Variants in SOS1 observed in about 807,000 individuals in gnomAD.
SOS1 encodes the protein SOS Ras/Rac guanine nucleotide exchange factor 1.
A neutral mutation model predicts 157.6 loss-of-function variants in SOS1; 25 were observed. The observed-to-expected ratio is 0.16, with a 90% CI of 0.12 to 0.22. SOS1 has a LOEUF of 0.22. Among genes scored for constraint, SOS1 ranks in the 10% least tolerant of loss-of-function variants. SOS1 has a pLI of 1.00. For synonymous variants in SOS1, 528 were observed against 534.0 expected (o/e 0.99, Z 0.16); for missense variants, 1,237 against 1,599.1 (o/e 0.77, Z 3.86).
intron 10 of SOS1, among the ~76,000 whole-genome samples, chr2:39,021,424 A>G (rs1387216720): frequency 6.6e-6 from 1 of 151,544 alleles, no homozygotes; most frequent in African/African-American, 2.4e-5. Context: ...GTCTTACAGA[A>G]ACAATTAAAA....
At chr2:39,058,145 G>A (rs905401229) in intron 3 of SOS1, among the ~76,000 whole-genome samples, 2 of 152,016 alleles carry the variant, frequency 1.3e-5, no homozygotes, top group Non-Finnish European at 2.9e-5. Flanking sequence ...AACTAAAATA[G>A]AAATAGCATT....
chr2:39,056,184 C>G (rs1359054343), intron 4 of SOS1, among the ~76,000 whole-genome samples: 1 of 152,090 alleles, frequency 6.6e-6, no homozygotes, highest in Non-Finnish European at 1.5e-5. Flanking sequence ...AATTCCAGCA[C>G]TTTGGGAGGC....
intron 8 of SOS1, among the ~76,000 whole-genome samples, chr2:39,033,012 A>G (rs1670218800): frequency 6.6e-6 from 1 of 152,022 alleles, no homozygotes; most frequent in Non-Finnish European, 1.5e-5. Context: ...ATGAACCGGG[A>G]TACCCATGGA....
chr2:39,115,708 G>C (rs1020843791), intron 1 of SOS1, among the ~76,000 whole-genome samples: 1 of 152,120 alleles, frequency 6.6e-6, no homozygotes, highest in African/African-American at 2.4e-5. Context: ...AAAGTGCTGG[G>C]ATTACAGGTG....
At chr2:39,094,179 T>C (rs969649116) in intron 1 of SOS1, among the ~76,000 whole-genome samples, 12 of 152,136 alleles carry the variant, frequency 7.9e-5, no homozygotes, top group African/African-American at 2.9e-4. Context: ...TCTTTTTCTT[T>C]TTTCTTTCTT....
rs1572821224 is a variant in SOS1 at position 39,012,171 on chromosome 2, A to C, written c.2345T>G (p.Ile782Arg). 1.2e-6 allele frequency: 2 copies of C among 1,613,606 alleles called. No homozygotes were observed. The highest frequency in any genetic ancestry group is 1.7e-6 in the Non-Finnish European group (2 of 1,179,734). ...ETFDLLTLHP[I>R]EIARQLTLLE... ...TAAAGTGAGTTGTCGAGCAATTTCT[A>C]TTGGGTGTAAGGTGAGCAGGTCAAA... The change falls in exon 14 of 23, where the codon ATA becomes AGA. Residue 782 changes from isoleucine (I) to arginine (R), a missense_variant. Coordinates refer to ENST00000402219, the MANE Select transcript of SOS1 (RefSeq NM_005633.4).
chr2:39,123,750 T>A (rs1435861417), upstream of SOS1, among the ~76,000 whole-genome samples: 2 of 152,194 alleles, frequency 1.3e-5, no homozygotes, highest in Non-Finnish European at 2.9e-5. Flanking sequence ...GCAATAAATA[T>A]TGTCGAAGGA....
intron 14 of SOS1, 140 bp from the exon 15 acceptor site, chr2:39,010,843 AG>A: frequency 1.5e-6 from 1 of 675,978 alleles, no homozygotes; most frequent in Non-Finnish European, 2.6e-6. Context: ...TGTGAAAACA[AG>A]GTATAACAAA....
At chr2:38,998,487 G>C (rs1668976391) in intron 17 of SOS1, among the ~76,000 whole-genome samples, 1 of 152,154 alleles carries the variant, frequency 6.6e-6, no homozygotes, top group South Asian at 2.1e-4. Context: ...CTGACCTCAG[G>C]TGATCCACCC....
chr2:39,080,014 G>C (rs1320601411), intron 1 of SOS1, among the ~76,000 whole-genome samples: 2 of 152,008 alleles, frequency 1.3e-5, no homozygotes, highest in African/African-American at 2.4e-5. Context: ...CTTTTCCACA[G>C]ACTCGGGTGG....
chr2:39,055,905 A>T (rs1671196209), intron 4 of SOS1, among the ~76,000 whole-genome samples: 1 of 152,176 alleles, frequency 6.6e-6, no homozygotes, highest in Admixed American at 6.5e-5. Context: ...AATGTAGCTA[A>T]GATCACTTAC....
chr2:39,056,146 C>T (rs1324107100), intron 4 of SOS1, among the ~76,000 whole-genome samples: 1 of 152,166 alleles, frequency 6.6e-6, no homozygotes, highest in African/African-American at 2.4e-5. Context: ...AAATTAACTA[C>T]TAGCTGGGTG....
intron 20 of SOS1, among the ~76,000 whole-genome samples, chr2:38,991,261 C>T (rs1312145610): frequency 6.6e-6 from 1 of 151,718 alleles, no homozygotes; most frequent in African/African-American, 2.4e-5. Flanking sequence ...ACTTCTTAAA[C>T]TCACAAAAGC....
chr2:39,068,847 C>T (rs528906390), intron 1 of SOS1, among the ~76,000 whole-genome samples: 4 of 152,024 alleles, frequency 2.6e-5, no homozygotes, highest in Non-Finnish European at 5.9e-5. Context: ...TTTGTTCCTC[C>T]CTAAATAAAT....
intron 1 of SOS1, among the ~76,000 whole-genome samples, chr2:39,071,172 CCTCTATT>C (rs1671780033): frequency 1.3e-5 from 2 of 152,198 alleles, no homozygotes; most frequent in South Asian, 4.1e-4. Flanking sequence ...CCAGCCAGTC[CCTCTATT>C]TAGATGATGA....
chr2:39,107,690 T>G (rs1002178620), intron 1 of SOS1, among the ~76,000 whole-genome samples: 4 of 150,962 alleles, frequency 2.6e-5, no homozygotes, highest in African/African-American at 9.8e-5. Flanking sequence ...AACCTAGCCA[T>G]TTTACATTAA....
chr2:39,071,148 G>A (rs931053818), intron 1 of SOS1, among the ~76,000 whole-genome samples: 6 of 152,154 alleles, frequency 3.9e-5, no homozygotes, highest in African/African-American at 7.2e-5. Context: ...GATTACAGGC[G>A]TGAGCCACTG....
rs145921428 is a variant in SOS1 at position 39,039,637 on chromosome 2, TAATTTA to T, written c.865-4143_865-4138del. 1.1e-4 allele frequency among the ~76,000 whole-genome samples: 16 copies of T among 152,046 alleles called. 1 individual carries two copies. The East Asian group carries it at 2.9e-3, about 27-fold the overall frequency. On this transcript the variant is annotated intron_variant, in intron 6 of 22. Transcript: ENST00000402219. ...TTTTTATTAGCTTGACTTTACATTT[TAATTTA>T]TAGTTTTTAGAAAAGCTTTATTGAG...
intron 1 of SOS1, among the ~76,000 whole-genome samples, chr2:39,079,452 G>A (rs183018416): frequency 6.6e-4 from 98 of 149,404 alleles, no homozygotes; most frequent in African/African-American, 2.0e-3. Context: ...GATGTAATCA[G>A]TAAGGAAACC....
Sources: allele counts gnomAD v4.1 joint callset (sites outside exome capture counted in the v4.1 genomes callset), GRCh38; gene constraint gnomAD v4.1.1; transcripts MANE v1.5; gene names NCBI Gene and HGNC (gene_info 2026-07-23, HGNC 2026-07-21).